PCDH7: variants seen among roughly 807,000 people sequenced by gnomAD.
PCDH7 encodes the protein protocadherin 7, also known as protocadherin-7.
Under a neutral mutation model 58.9 loss-of-function variants are expected in PCDH7, and 17 were observed. That is an observed-to-expected ratio of 0.29 (90% confidence interval 0.20 to 0.43). The LOEUF (loss-of-function observed/expected upper bound fraction) is 0.43. Among genes scored for constraint, PCDH7 ranks in the 20% least tolerant of loss-of-function variants. The pLI, the probability that PCDH7 is intolerant of heterozygous loss-of-function variation, is 1.00. For missense variants in PCDH7, 1,274 were observed against 1,441.0 expected (o/e 0.88, Z 1.88); for synonymous variants, 664 against 616.4 (o/e 1.08, Z -1.14).
intron 1 of PCDH7, among the ~76,000 whole-genome samples, chr4:30,809,523 T>G (rs1171712615): frequency 6.6e-6 from 1 of 152,194 alleles, no homozygotes; most frequent in Non-Finnish European, 1.5e-5. Flanking sequence ...GAAAATATTT[T>G]GTGGAAGTAA....
chr4:30,853,558 T>C (rs557419857), intron 1 of PCDH7, among the ~76,000 whole-genome samples: 1 of 152,154 alleles, frequency 6.6e-6, no homozygotes, highest in African/African-American at 2.4e-5. Flanking sequence ...TTCATTCAAG[T>C]TTTATATATT....
chr4:30,884,625 C>T (rs185949611), intron 1 of PCDH7: 2 of 151,876 alleles, frequency 1.3e-5, no homozygotes, highest in East Asian at 1.9e-4. Context: ...CTTAATGGCC[C>T]GAATATTACA....
At chr4:30,919,310 TTTTGTGG>T (rs1237917642) in intron 1 of PCDH7, among the ~76,000 whole-genome samples, 4 of 152,170 alleles carry the variant, frequency 2.6e-5, no homozygotes, top group Admixed American at 6.5e-5. Flanking sequence ...ATTTATTTTA[TTTTGTGG>T]TTAACCAAGA....
intron 1 of PCDH7, among the ~76,000 whole-genome samples, chr4:30,745,913 C>T (rs1028973869): frequency 6.6e-6 from 1 of 152,224 alleles, no homozygotes; most frequent in Non-Finnish European, 1.5e-5. Context: ...GATCTCAGCT[C>T]ACTGCAACCT....
At chr4:31,061,629 G>T (rs145858670) in intron 3 of PCDH7, among the ~76,000 whole-genome samples, 4 of 151,702 alleles carry the variant, frequency 2.6e-5, no homozygotes, top group African/African-American at 9.6e-5. Flanking sequence ...AGTCAAGAAA[G>T]AGTTAAAAGA....
chr4:30,843,390 C>T (rs1486479787), intron 1 of PCDH7, among the ~76,000 whole-genome samples: 1 of 152,062 alleles, frequency 6.6e-6, no homozygotes, highest in Non-Finnish European at 1.5e-5. Flanking sequence ...GACAGGGTTT[C>T]GCCATGTTGG....
At chr4:30,951,030 G>A (rs776882157) in intron 3 of PCDH7, among the ~76,000 whole-genome samples, 2 of 152,082 alleles carry the variant, frequency 1.3e-5, no homozygotes, top group Non-Finnish European at 2.9e-5. Flanking sequence ...TTGTTTTGAT[G>A]TATCAGGCTT....
chr4:30,884,716 T>A (rs1222476672), intron 1 of PCDH7: 1 of 152,224 alleles, frequency 6.6e-6, no homozygotes, highest in African/African-American at 2.4e-5. Context: ...CGCCTCCTAG[T>A]TTGTTAGGGA....
At chr4:31,069,398 GTTC>G (rs35067318) in intron 3 of PCDH7, among the ~76,000 whole-genome samples, 35,908 of 151,692 alleles carry the variant, frequency 0.24, 4,469 homozygotes, top group South Asian at 0.33. Context: ...GAAAACACCT[GTTC>G]TTCTCACGGA....
chr4:30,910,908 C>G (rs1178735447), intron 1 of PCDH7, among the ~76,000 whole-genome samples: 1 of 152,126 alleles, frequency 6.6e-6, no homozygotes, highest in Non-Finnish European at 1.5e-5. Context: ...GGAACCAACC[C>G]AAATGCCCAT....
At chr4:30,924,415 A>G (rs950360423) in intron 2 of PCDH7, among the ~76,000 whole-genome samples, 1 of 152,226 alleles carries the variant, frequency 6.6e-6, no homozygotes, top group Non-Finnish European at 1.5e-5. Flanking sequence ...TTTATGCTAT[A>G]GAATGGAGAC....
intron 1 of PCDH7, among the ~76,000 whole-genome samples, chr4:30,803,497 G>A (rs1185659115): frequency 1.3e-5 from 2 of 152,012 alleles, no homozygotes; most frequent in Non-Finnish European, 2.9e-5. Context: ...GGGTGCAGTG[G>A]CATCATTATG....
At chr4:30,893,961 C>A (rs1055882742) in intron 1 of PCDH7, among the ~76,000 whole-genome samples, 1 of 152,072 alleles carries the variant, frequency 6.6e-6, no homozygotes, top group African/African-American at 2.4e-5. Context: ...CCACCAATGG[C>A]TAAAGCCATT....
chr4:30,912,607 T>C (rs1236051737), intron 1 of PCDH7, among the ~76,000 whole-genome samples: 1 of 152,178 alleles, frequency 6.6e-6, no homozygotes, highest in East Asian at 1.9e-4. Context: ...ATGGAGAAAC[T>C]ACTGAAGCTA....
At chr4:31,077,092 C>T (rs1759062420) in intron 3 of PCDH7, among the ~76,000 whole-genome samples, 1 of 152,028 alleles carries the variant, frequency 6.6e-6, no homozygotes, top group Admixed American at 6.6e-5. Flanking sequence ...TACATACACA[C>T]ATAAATCTGA....
exon 2 of PCDH7, chr4:30,731,826 T>C (rs1715544938): frequency 6.6e-6 from 1 of 152,162 alleles, no homozygotes; most frequent in Non-Finnish European, 1.5e-5. Flanking sequence ...TTTGTATGTT[T>C]ATGTCTTTAT....
chr4:30,846,727 A>T (rs1399044178), intron 1 of PCDH7, among the ~76,000 whole-genome samples: 1 of 152,288 alleles, frequency 6.6e-6, no homozygotes, highest in East Asian at 1.9e-4. Context: ...ATTGTTTCTA[A>T]GGTAAATATG....
intron 1 of PCDH7, among the ~76,000 whole-genome samples, chr4:30,804,580 G>A (rs1302479124): frequency 2.0e-5 from 3 of 151,326 alleles, no homozygotes; most frequent in Admixed American, 6.6e-5. Flanking sequence ...ATTTTGAAAT[G>A]AGTTTAAGTT....
intron 1 of PCDH7, among the ~76,000 whole-genome samples, chr4:30,888,802 A>G (rs910703699): frequency 6.6e-6 from 1 of 152,206 alleles, no homozygotes; most frequent in African/African-American, 2.4e-5. Context: ...GAACTGGCCA[A>G]TGTATATGAG....
Sources: gnomAD v4.1 joint callset for allele counts (sites outside exome capture counted in the v4.1 genomes callset) on GRCh38, gnomAD v4.1.1 for gene constraint, MANE v1.5 for transcripts, NCBI Gene and HGNC (gene_info 2026-07-23, HGNC 2026-07-21) for gene names.